Variants in POFUT1 observed in about 807,000 individuals in gnomAD.
The protein encoded by POFUT1 is GDP-fucose protein O-fucosyltransferase 1.
In POFUT1, 16 loss-of-function variants were observed where a neutral mutation model predicts 42.4. The observed-to-expected ratio is 0.38, with a 90% confidence interval of 0.26 to 0.57. The LOEUF is 0.57. POFUT1 is among the 20% of genes least tolerant of loss of function. POFUT1 has a pLI of 0.71. For missense variants in POFUT1, 470 were observed against 504.6 expected, an observed-to-expected ratio of 0.93 and a Z score of 0.66; for synonymous variants, 206 against 205.4, an observed-to-expected ratio of 1.00 and a Z score of -0.03.
chr20:32,237,637 A>G lies in POFUT1; in HGVS notation c.*2976A>G, dbSNP rs1034250118. ...GCCATGGCAGGAAGCTTTTAGTTGG[A>G]GAGATACAGGAAGCCTCCTAGGGTT... On this transcript the variant is annotated 3_prime_UTR_variant, in exon 7 of 7. Coordinates refer to ENST00000375749, the MANE Select transcript of POFUT1 (RefSeq NM_015352.2). The G allele has an allele frequency of 7.1e-5, 23 of 322,304 alleles. No individual in the cohort carries two copies. The highest frequency in any genetic ancestry group is 3.1e-4 in the Admixed American group (8 of 26,196). The allele number at this position is 322,304 out of a possible 1,614,324, so 20.0% of individuals were successfully genotyped here. A position where few individuals can be genotyped will look rare whatever the true frequency, so the allele number is the denominator to read the frequency against.
rs145823708 is a variant in POFUT1 at position 32,227,383 on chromosome 20, GGT to G, written c.543-878_543-877del. On this transcript the variant is annotated intron_variant, in intron 4 of 6. Coordinates refer to ENST00000375749, the MANE Select transcript of POFUT1 (RefSeq NM_015352.2). ...AAAATGTAAAAAATTAGCTGGGCCT[GGT>G]GGCACTTATCTGTAGTCCCAGCTAC... is the stretch of plus-strand genomic sequence containing the variant. 9.9e-3 allele frequency among the ~76,000 whole-genome samples: 1,505 copies of G among 152,260 alleles called. 27 individuals are homozygous for G. The highest frequency in any genetic ancestry group is 0.035 in the African/African-American group (1,439 of 41,532).
chr20:32,207,949 C>T lies in POFUT1; in HGVS notation c.8C>T (p.Ala3Val), dbSNP rs766503770. Residue 3 changes from alanine to valine, a missense_variant, in exon 1 of 7, where the codon GCC (alanine) becomes GTC (valine). By Grantham distance (64) the Ala-to-Val change is moderately conservative. Transcript: ENST00000375749. ...TCGGGTTCCCGGGCCGACATGGGCGCCGCCGCGTGGGCACGGCCGCTGAGC... is the reference window on the plus strand; with the variant it reads ...TCGGGTTCCCGGGCCGACATGGGCGTCGCCGCGTGGGCACGGCCGCTGAGC... MGAAAWARPLSVS... is the reference protein window; with the variant it reads MGVAAWARPLSVS... 6.3e-6 allele frequency: 10 copies of T among 1,588,530 alleles called. No individual in the cohort carries two copies. The highest frequency in any genetic ancestry group is 2.2e-5 in the South Asian group (2 of 89,498).
At chr20:32,215,154 G>T (rs1032653156) in intron 2 of POFUT1, 115 bp from the exon 3 acceptor site, 38 of 717,420 alleles carry the variant, frequency 5.3e-5, no homozygotes, top group South Asian at 4.0e-5. Flanking sequence ...CTCCCAAAGT[G>T]CTGGGATTAC....
In POFUT1 at chr20:32,235,797, T is replaced by G. The variant is rs1297300877; in HGVS notation, c.*1136T>G. The G allele has an allele frequency of 6.6e-6, 1 of 152,216 alleles. No individual in the cohort carries two copies. The highest frequency in any genetic ancestry group is 1.5e-5 in the Non-Finnish European group (1 of 68,050). The allele number at this position is 152,216 out of a possible 1,614,324, so 9.4% of individuals were successfully genotyped here. Reference sequence around the variant, plus strand: ...AGCCCATGGTTTTTTGACCTTGTGGTTCTAAAATTCCTTGTCTGACCCCTG... The same window carrying G: ...AGCCCATGGTTTTTTGACCTTGTGGGTCTAAAATTCCTTGTCTGACCCCTG... On this transcript the variant is annotated 3_prime_UTR_variant, in exon 7 of 7. Transcript: ENST00000375749.
chr20:32,226,574 C>T (rs919962234), intron 4 of POFUT1, among the ~76,000 whole-genome samples: 1 of 151,968 alleles, frequency 6.6e-6, no homozygotes, highest in South Asian at 2.1e-4. Flanking sequence ...CTTGTGTTGC[C>T]AGTTTATAAC....
chr20:32,232,091 C>T (rs771530921), intron 6 of POFUT1, among the ~76,000 whole-genome samples: 1 of 152,192 alleles, frequency 6.6e-6, no homozygotes, highest in Non-Finnish European at 1.5e-5. Context: ...AGGGCCTCCC[C>T]TTCTCTTTCA....
chr20:32,220,482 C>T (rs922519930), intron 4 of POFUT1, among the ~76,000 whole-genome samples: 3 of 152,196 alleles, frequency 2.0e-5, no homozygotes, highest in African/African-American at 7.2e-5. Flanking sequence ...TGGCTTACAC[C>T]TGTAATCCCA....
chr20:32,229,194 G>A (rs2047429851), intron 5 of POFUT1, among the ~76,000 whole-genome samples: 1 of 152,104 alleles, frequency 6.6e-6, no homozygotes, highest in Non-Finnish European at 1.5e-5. Context: ...ACAACATCAA[G>A]AGATATAAGA....
At chr20:32,217,767 G>A (rs1042904424) in intron 4 of POFUT1, 2 of 981,998 alleles carry the variant, frequency 2.0e-6, no homozygotes, top group Admixed American at 1.2e-4. Context: ...AAGACTTTGA[G>A]ATAGTTCATG....
At chr20:32,223,482 C>T (rs1470915111) in intron 4 of POFUT1, 1 of 985,280 alleles carries the variant, frequency 1.0e-6, no homozygotes, top group Non-Finnish European at 1.2e-6. Context: ...GCTGCAGGTG[C>T]TTTCCAAGAG....
chr20:32,215,241 G>A (rs200938610), intron 2 of POFUT1, 28 bp from the exon 3 acceptor site: 21 of 1,584,822 alleles, frequency 1.3e-5, no homozygotes, highest in African/African-American at 8.1e-5. Flanking sequence ...GCACTGAGAC[G>A]GGACCTCTGC....
intron 4 of POFUT1, among the ~76,000 whole-genome samples, chr20:32,225,833 G>T (rs2047412170): frequency 6.6e-6 from 1 of 152,128 alleles, no homozygotes; most frequent in African/African-American, 2.4e-5. Flanking sequence ...ACAGCTTTAT[G>T]ATGTGGGAAC....
At chr20:32,216,898 C>T in intron 4 of POFUT1, 177 bp downstream of exon 4, 1 of 1,550,910 alleles carries the variant, frequency 6.4e-7, no homozygotes, top group Non-Finnish European at 8.7e-7. Flanking sequence ...CCACGCCTGA[C>T]ACGGTGGAAC....
At chr20:32,217,004 C>G (rs367717054) in intron 4 of POFUT1, 1 of 1,613,724 alleles carries the variant, frequency 6.2e-7, no homozygotes, top group Non-Finnish European at 8.5e-7. Flanking sequence ...ATTTCCTCCT[C>G]TAGGCGTGAG....
rs971219293 is a variant in POFUT1, at chr20:32,236,161, C to T, written c.*1500C>T. 1 of 152,266 alleles carries T rather than the reference C, an allele frequency of 6.6e-6. No individual in the cohort carries two copies. Among genetic ancestry groups the T allele is most frequent in the Non-Finnish European group, 1.5e-5 (1 of 68,084 alleles). 9.4% of individuals were successfully genotyped at this position (152,266 alleles called of 1,614,324 possible). On this transcript the variant is annotated 3_prime_UTR_variant, in exon 7 of 7. Transcript: ENST00000375749. ...CTGAGAGATGGTTTGCCTGTCCAGA[C>T]TTGCTCTCAAGCCTCATCCAGAGAA...
chr20:32,222,416 A>G (rs1489597279), intron 4 of POFUT1, among the ~76,000 whole-genome samples: 1 of 152,216 alleles, frequency 6.6e-6, no homozygotes, highest in Non-Finnish European at 1.5e-5. Flanking sequence ...TCACATCCCA[A>G]CTGGAGGAAC....
chr20:32,234,590 C>T lies in POFUT1; in HGVS notation c.1096C>T (p.Arg366Trp), dbSNP rs1351092758. 6.8e-6 allele frequency: 11 copies of T among 1,614,008 alleles called. No individual in the cohort carries two copies. Among genetic ancestry groups the T allele is most frequent in the East Asian group, 2.2e-5 (1 of 44,896 alleles). ...CTTCACTGCCTTTGTGAAGCGGGAG[C>T]GGGACCTCCAGGGGAGGCCGTCTTC... The part of the protein sequence containing the change: ...SSFTAFVKRE[R>W]DLQGRPSSFF... Residue 366 changes from arginine to tryptophan, a missense_variant, in exon 7 of 7, where the codon CGG becomes TGG. Transcript: ENST00000375749.
intron 4 of POFUT1, among the ~76,000 whole-genome samples, chr20:32,225,799 A>G (rs1569158790): frequency 1.3e-5 from 2 of 152,134 alleles, no homozygotes; most frequent in Admixed American, 6.6e-5. Context: ...ACAATTGAAA[A>G]AAAACAAAAA....
chr20:32,223,124 A>C lies in POFUT1; in HGVS notation c.543-5139A>C, dbSNP rs370789020. ...AAGTCCTAGTTTGTTGGAGAATCTCAGCAGCACAGGCATGGTGGTGAAGAA... is the reference window on the plus strand; with the variant it reads ...AAGTCCTAGTTTGTTGGAGAATCTCCGCAGCACAGGCATGGTGGTGAAGAA... On this transcript the variant is annotated intron_variant, in intron 4 of 6. Transcript: ENST00000375749. The C allele has an allele frequency of 1.4e-4, 134 of 985,458 alleles. 1 individual carries two copies. The South Asian group carries it at 5.4e-3, about 39-fold the overall frequency. 61.0% of individuals were successfully genotyped at this position (985,458 alleles called of 1,614,324 possible).
Sources: allele counts gnomAD v4.1 joint callset (sites outside exome capture counted in the v4.1 genomes callset), GRCh38; gene constraint gnomAD v4.1.1; transcripts MANE v1.5; gene names NCBI Gene and HGNC (gene_info 2026-07-23, HGNC 2026-07-21).